Variants in GRIA4 observed in about 807,000 individuals in gnomAD.
The protein encoded by GRIA4 is glutamate ionotropic receptor AMPA type subunit 4.
In GRIA4, 34 loss-of-function variants were observed where a neutral mutation model predicts 104.0. That is an observed-to-expected ratio of 0.33 (90% CI 0.25 to 0.44). GRIA4 has a LOEUF of 0.44. Among genes scored for constraint, GRIA4 ranks in the 20% least tolerant of loss-of-function variants. GRIA4 has a pLI of 1.00. For synonymous variants in GRIA4, 386 were observed against 381.9 expected (o/e 1.01, Z -0.13); for missense variants, 750 against 1,096.5 (o/e 0.68, Z 4.46).
chr11:105,820,400 T>C lies in GRIA4; in HGVS notation c.488-41624T>C, dbSNP rs540829973. On this transcript the variant is annotated intron_variant, in intron 4 of 16. Coordinates refer to ENST00000282499, the MANE Select transcript of GRIA4 (RefSeq NM_000829.4). The stretch of plus-strand genomic sequence containing the variant: ...ACTCCAGCCGTGCTCTTCATAACCC[T>C]TCCTCAAACATGCCAGTCATGGACC... Among the ~76,000 whole-genome samples, 32 of 152,194 alleles carry C rather than the reference T, an allele frequency of 2.1e-4. 2 individuals are homozygous for C. Among genetic ancestry groups the C allele is most frequent in the Admixed American group, 1.8e-3 (27 of 15,256 alleles).
intron 4 of GRIA4, among the ~76,000 whole-genome samples, chr11:105,820,478 C>G (rs890240732): frequency 4.6e-5 from 7 of 152,066 alleles, no homozygotes; most frequent in Non-Finnish European, 8.8e-5. Context: ...TCGGCTCCCC[C>G]ATGCCAGGCA....
intron 14 of GRIA4, among the ~76,000 whole-genome samples, chr11:105,965,479 T>G (rs931992260): frequency 1.1e-4 from 16 of 151,764 alleles, no homozygotes; most frequent in African/African-American, 3.9e-4. Context: ...GGAGTAATAA[T>G]TACTCTTTGT....
At chr11:105,773,986 T>C (rs72985104) in intron 4 of GRIA4, among the ~76,000 whole-genome samples, 18,545 of 151,724 alleles carry the variant, frequency 0.12, 1,245 homozygotes, top group Admixed American at 0.22. Flanking sequence ...AATTTTAAGA[T>C]ATAAAATTAA....
chr11:105,668,872 T>A (rs1370585447), intron 3 of GRIA4, among the ~76,000 whole-genome samples: 1 of 151,880 alleles, frequency 6.6e-6, no homozygotes, highest in African/African-American at 2.4e-5. Context: ...TTAAAAGGTA[T>A]TTAGACATTA....
At chr11:105,758,869 T>A (rs1467805610) in intron 4 of GRIA4, among the ~76,000 whole-genome samples, 1 of 152,156 alleles carries the variant, frequency 6.6e-6, no homozygotes, top group Non-Finnish European at 1.5e-5. Flanking sequence ...AATATTTTGA[T>A]GTTAAATGGA....
intron 14 of GRIA4, among the ~76,000 whole-genome samples, chr11:105,948,027 T>G (rs927608398): frequency 6.6e-6 from 1 of 152,200 alleles, no homozygotes; most frequent in Non-Finnish European, 1.5e-5. Flanking sequence ...CTCACAGATG[T>G]GAGCCCCCAT....
At chr11:105,861,451 A>G (rs1945221891) in intron 4 of GRIA4, among the ~76,000 whole-genome samples, 1 of 152,280 alleles carries the variant, frequency 6.6e-6, no homozygotes, top group African/African-American at 2.4e-5. Context: ...TCCCCAGTCT[A>G]TATCATTCAC....
intron 5 of GRIA4, among the ~76,000 whole-genome samples, chr11:105,879,319 G>A (rs752750524): frequency 3.3e-5 from 5 of 152,130 alleles, no homozygotes; most frequent in Non-Finnish European, 5.9e-5. Context: ...GTGGCAGACC[G>A]GAGCTGTTCC....
At chr11:105,977,347 G>C (rs149352566) in intron 16 of GRIA4, among the ~76,000 whole-genome samples, 1 of 152,098 alleles carries the variant, frequency 6.6e-6, no homozygotes, top group East Asian at 1.9e-4. Flanking sequence ...TAAACAAGAG[G>C]TGAGTGGTTT....
rs77120349 is a variant in GRIA4 at position 105,686,421 on chromosome 11, T to C, written c.248-66560T>C. Among the ~76,000 whole-genome samples the C allele has an allele frequency of 8.6e-3, 1,310 of 152,314 alleles. 21 individuals are homozygous for C. Among genetic ancestry groups the C allele is most frequent in the African/African-American group, 0.03 (1,252 of 41,566 alleles). On this transcript the variant is annotated intron_variant, in intron 3 of 16. Transcript: ENST00000282499. ...ACATTACTTCATGCTTTTTTATGAC[T>C]GTGTAGTATTCCATGCTGTATAGGT...
intron 16 of GRIA4, chr11:105,974,686 A>C (rs1591504243): frequency 2.2e-6 from 2 of 913,512 alleles, no homozygotes; most frequent in East Asian, 5.3e-5. Flanking sequence ...CTTCAGTGCA[A>C]ATTGGTTCGG....
intron 5 of GRIA4, among the ~76,000 whole-genome samples, chr11:105,865,943 G>A (rs1409818790): frequency 6.6e-6 from 1 of 152,150 alleles, no homozygotes; most frequent in African/African-American, 2.4e-5. Context: ...GTTCCTGTTA[G>A]TGAAACCCTA....
intron 3 of GRIA4, among the ~76,000 whole-genome samples, chr11:105,678,431 T>C (rs1439894169): frequency 6.6e-6 from 1 of 152,070 alleles, no homozygotes; most frequent in Non-Finnish European, 1.5e-5. Context: ...TTTTATTCAC[T>C]TTAATTCTGT....
intron 7 of GRIA4, 63 bp downstream of exon 7, chr11:105,898,490 T>C (rs1946740669): frequency 3.0e-6 from 3 of 1,005,608 alleles, no homozygotes; most frequent in East Asian, 5.1e-5. Context: ...GAAAAGTTTA[T>C]TATACAGTTT....
chr11:105,661,627 G>A (rs758846336), intron 3 of GRIA4, among the ~76,000 whole-genome samples: 5 of 151,448 alleles, frequency 3.3e-5, no homozygotes, highest in African/African-American at 4.8e-5. Flanking sequence ...ACATGTTGAC[G>A]TATAAATTGA....
intron 4 of GRIA4, among the ~76,000 whole-genome samples, chr11:105,821,747 T>C (rs1387504284): frequency 6.6e-6 from 1 of 152,130 alleles, no homozygotes; most frequent in Non-Finnish European, 1.5e-5. Flanking sequence ...AGACTCTTCA[T>C]AATTTGAATT....
chr11:105,700,154 C>T (rs999869070), intron 3 of GRIA4, among the ~76,000 whole-genome samples: 1 of 152,210 alleles, frequency 6.6e-6, no homozygotes, highest in Admixed American at 6.6e-5. Context: ...CCACCTTAAG[C>T]ATCCCTCTGG....
chr11:105,737,268 C>T (rs1009819868), intron 3 of GRIA4, among the ~76,000 whole-genome samples: 5 of 151,782 alleles, frequency 3.3e-5, no homozygotes, highest in African/African-American at 1.2e-4. Flanking sequence ...TTGAATACAG[C>T]CAAAAAATAA....
At chr11:105,852,404 T>G (rs1457197523) in intron 4 of GRIA4, among the ~76,000 whole-genome samples, 1 of 152,150 alleles carries the variant, frequency 6.6e-6, no homozygotes, top group Non-Finnish European at 1.5e-5. Context: ...TCATGACTAA[T>G]AAAATCCTAC....
Sources: allele counts gnomAD v4.1 joint callset (sites outside exome capture counted in the v4.1 genomes callset), GRCh38; gene constraint gnomAD v4.1.1; transcripts MANE v1.5; gene names NCBI Gene and HGNC (gene_info 2026-07-23, HGNC 2026-07-21).